Variants in PPP2R1B observed in about 807,000 individuals in gnomAD.
PPP2R1B encodes protein phosphatase 2 scaffold subunit Abeta.
A neutral mutation model predicts 72.7 loss-of-function variants in PPP2R1B; 58 were observed. The observed-to-expected ratio is 0.80, with a 90% CI of 0.65 to 0.99. The LOEUF is 0.99. PPP2R1B is among the 50% of genes least tolerant of loss of function. The probability of loss-of-function intolerance (pLI) is 0.00; values close to 1 mark genes in which losing one functional copy is unlikely to be tolerated. For missense variants in PPP2R1B, 695 were observed against 733.6 expected (o/e 0.95, Z 0.61); for synonymous variants, 256 against 264.6 (o/e 0.97, Z 0.32).
At chr11:111,724,729 A>G (rs1249800596), downstream of PPP2R1B, 2 of 153,974 alleles carry the variant, frequency 1.3e-5, no homozygotes, top group Non-Finnish European at 2.9e-5. Flanking sequence ...AGGGGCCACT[A>G]AATAACAGCT....
intron 10 of PPP2R1B, among the ~76,000 whole-genome samples, chr11:111,748,532 G>C (rs1944785543): frequency 6.6e-6 from 1 of 152,248 alleles, no homozygotes; most frequent in Non-Finnish European, 1.5e-5. Context: ...AGCAGGCCCA[G>C]GACTACAGGG....
chr11:111,755,778 C>T (rs1555049504), intron 5 of PPP2R1B, among the ~76,000 whole-genome samples: 1 of 151,838 alleles, frequency 6.6e-6, no homozygotes, highest in East Asian at 2.0e-4. Flanking sequence ...TTAGTAGAGA[C>T]AGAGTTTCAC....
At chr11:111,721,975 G>C (rs1157675122), downstream of PPP2R1B, 1 of 1,475,874 alleles carries the variant, frequency 6.8e-7, no homozygotes, top group African/African-American at 1.4e-5. Context: ...ACCTCACTCT[G>C]CTCATCCAGA....
the PPP2R1B span, among the ~76,000 whole-genome samples, chr11:111,711,574 T>G: frequency 1.3e-5 from 2 of 152,228 alleles, no homozygotes; most frequent in African/African-American, 4.8e-5. Flanking sequence ...TGCAGTAAGC[T>G]TCTCTCCTTC....
chr11:111,733,207 G>A (rs974334994), downstream of PPP2R1B, among the ~76,000 whole-genome samples: 31 of 152,122 alleles, frequency 2.0e-4, no homozygotes, highest in African/African-American at 6.8e-4. Flanking sequence ...CCCTTTGTCC[G>A]TGTTTCTGGG....
At chr11:111,720,098 AT>A in the PPP2R1B span, 1 of 1,192,978 alleles carries the variant, frequency 8.4e-7, no homozygotes, top group Non-Finnish European at 1.2e-6. Flanking sequence ...AACACCTAAA[AT>A]TGAGTCGATA....
chr11:111,738,538 C>T lies in PPP2R1B; in HGVS notation c.*3058G>A. ...TACGCAAGCAACCTGAATGCCTGGA[C>T]AAGCCAGCTCAAAGGTCAGGCTGCC... is the stretch of plus-strand genomic sequence containing the variant. On this transcript the variant is annotated 3_prime_UTR_variant, in exon 15 of 15. Transcript: ENST00000527614. The T allele has an allele frequency of 1.0e-6, 1 of 985,468 alleles. No homozygotes were observed. Among genetic ancestry groups the T allele is most frequent in the Non-Finnish European group, 1.2e-6 (1 of 829,950 alleles). The allele number at this position is 985,468 out of a possible 1,614,324, so 61.0% of individuals were successfully genotyped here. A position where few individuals can be genotyped will look rare whatever the true frequency, so the allele number is the denominator to read the frequency against.
intron 10 of PPP2R1B, among the ~76,000 whole-genome samples, chr11:111,749,396 G>A (rs1944821157): frequency 6.6e-6 from 1 of 151,934 alleles, no homozygotes; most frequent in African/African-American, 2.4e-5. Context: ...CAATTCTCCT[G>A]CCTCAGCCTC....
chr11:111,737,804 TC>T, downstream of PPP2R1B: 1 of 1,304,242 alleles, frequency 7.7e-7, no homozygotes, highest in Non-Finnish European at 1.0e-6. Context: ...CCTTTTGGTG[TC>T]CACCTGGCTG....
chr11:111,758,310 G>C (rs1288310169), intron 5 of PPP2R1B, among the ~76,000 whole-genome samples: 1 of 152,180 alleles, frequency 6.6e-6, no homozygotes, highest in Non-Finnish European at 1.5e-5. Flanking sequence ...GTGCAAAGAA[G>C]GCCGGGCACG....
downstream of PPP2R1B, chr11:111,724,439 GGT>G (rs1943906319): frequency 2.5e-6 from 1 of 393,328 alleles, no homozygotes; most frequent in Non-Finnish European, 4.6e-6. Flanking sequence ...TTCAGACCCA[GGT>G]GTTATGCAGG....
chr11:111,715,793 C>CTTTTT, the PPP2R1B span, among the ~76,000 whole-genome samples: 109 of 81,596 alleles, frequency 1.3e-3, no homozygotes, highest in East Asian at 2.5e-3. Context: ...TCATTTTTAG[C>CTTTTT]TTTTTTTTTT....
At position 111,742,552 on chromosome 11, in the gene PPP2R1B, T is replaced by A. The variant is rs746703298; in HGVS notation, c.1668A>T (p.Leu556=). 4 of 1,613,826 alleles carry A rather than the reference T, an allele frequency of 2.5e-6. No individual in the cohort carries two copies. The East Asian group carries it at 8.9e-5, about 36-fold the overall frequency. Residue 556 remains leucine (L), a synonymous_variant, in exon 13 of 15, where the codon CTA becomes CTT. Transcript: ENST00000527614. Reference sequence around the variant, plus strand: ...TATCTAGAATTGGTCCAATCTTTTGTAGAGATTTGGCCACATTGAAGCGAA... The same window carrying A: ...TATCTAGAATTGGTCCAATCTTTTGAAGAGATTTGGCCACATTGAAGCGAA... ...ANVRFNVAKS[L]QKIGPILDTN...
chr11:111,689,163 G>T, the PPP2R1B span, among the ~76,000 whole-genome samples: 1 of 152,148 alleles, frequency 6.6e-6, no homozygotes, highest in Non-Finnish European at 1.5e-5. Context: ...AAAATCTGTA[G>T]GCATGCAGGA....
chr11:111,752,395 C>T (rs1944942907), intron 9 of PPP2R1B, 63 bp from the exon 10 acceptor site: 3 of 1,461,414 alleles, frequency 2.1e-6, no homozygotes, highest in Middle Eastern at 1.8e-4. Context: ...CAACAGTCTC[C>T]TGTCAGGGTA....
Position 111,765,402 on chromosome 11 carries a change from G to A in PPP2R1B, c.115-18C>T, listed in dbSNP as rs782184888. On this transcript the variant is annotated intron_variant, in intron 1 of 14. Transcript: ENST00000527614. ...AGTCGGAGCTTCAGAAAAGAAAGTA[G>A]AAAGAAGAACAATGTAAAGAAACGG... is the stretch of plus-strand genomic sequence containing the variant. 124 of 1,582,754 alleles carry A rather than the reference G, an allele frequency of 7.8e-5. No homozygotes were observed. Among genetic ancestry groups the A allele is most frequent in the Non-Finnish European group, 9.9e-5 (115 of 1,156,302 alleles).
chr11:111,743,193 C>A lies in PPP2R1B; in HGVS notation c.1554+183G>T, dbSNP rs112764122. ...ACAGGCATGAGCCACTGTGCCCAGC[C>A]AATACTGTAGATTTTAACATGAATT... On this transcript the variant is annotated intron_variant, in intron 12 of 14. Coordinates refer to ENST00000527614, the MANE Select transcript of PPP2R1B (RefSeq NM_002716.5). Among the ~76,000 whole-genome samples the A allele has an allele frequency of 6.6e-3, 1,002 of 152,264 alleles. 10 individuals are homozygous for A. The highest frequency in any genetic ancestry group is 0.023 in the African/African-American group (935 of 41,546).
At chr11:111,703,455 G>A in the PPP2R1B span, 5 of 1,592,570 alleles carry the variant, frequency 3.1e-6, no homozygotes, top group Admixed American at 1.7e-5. Flanking sequence ...GGGTTCTACT[G>A]CACTTAGCTA....
At chr11:111,759,529 A>G (rs559289634) in intron 5 of PPP2R1B, among the ~76,000 whole-genome samples, 1 of 152,274 alleles carries the variant, frequency 6.6e-6, no homozygotes, top group South Asian at 2.1e-4. Flanking sequence ...GTTACCCTCC[A>G]TGCAGCTTTG....
Sources: allele counts gnomAD v4.1 joint callset (sites outside exome capture counted in the v4.1 genomes callset), GRCh38; gene constraint gnomAD v4.1.1; transcripts MANE v1.5; gene names NCBI Gene and HGNC (gene_info 2026-07-23, HGNC 2026-07-21).